Variants in MACROD2 observed in about 807,000 individuals in gnomAD.
MACROD2 encodes ADP-ribose glycohydrolase MACROD2.
A neutral mutation model predicts 70.4 loss-of-function variants in MACROD2; 36 were observed. The observed-to-expected ratio is 0.51, with a 90% CI of 0.39 to 0.68. The LOEUF is 0.68. Ranked by LOEUF, MACROD2 falls within the 30% of genes least tolerant of loss-of-function variation. The pLI is 0.00. For missense variants in MACROD2, 496 were observed against 538.4 expected (o/e 0.92, Z 0.78); for synonymous variants, 172 against 178.8 (o/e 0.96, Z 0.30).
intron 3 of MACROD2, among the ~76,000 whole-genome samples, chr20:14,249,331 G>A (rs2081992327): frequency 6.6e-6 from 1 of 151,824 alleles, no homozygotes; most frequent in Admixed American, 6.6e-5. Context: ...AGAGTGATAT[G>A]GAAAAGTGAT....
At chr20:15,392,538 A>G (rs1426033056) in intron 6 of MACROD2, among the ~76,000 whole-genome samples, 1 of 152,072 alleles carries the variant, frequency 6.6e-6, no homozygotes, top group East Asian at 1.9e-4. Context: ...ACCTAATAGC[A>G]TCTCTCTTAG....
chr20:15,649,663 A>C (rs138520401), intron 8 of MACROD2, among the ~76,000 whole-genome samples: 7 of 152,300 alleles, frequency 4.6e-5, no homozygotes, highest in Middle Eastern at 3.4e-3. Context: ...TTCTTAACCA[A>C]TCTCTGTGTC....
chr20:14,955,140 AATTAT>A (rs1274723338), intron 5 of MACROD2, among the ~76,000 whole-genome samples: 4 of 70,512 alleles, frequency 5.7e-5, no homozygotes, highest in South Asian at 6.6e-4. Context: ...ATAATTTATA[AATTAT>A]ATTATATGTA....
intron 3 of MACROD2, among the ~76,000 whole-genome samples, chr20:14,386,468 T>A (rs2083468823): frequency 6.6e-6 from 1 of 151,998 alleles, no homozygotes; most frequent in Non-Finnish European, 1.5e-5. Flanking sequence ...TGATGGGAGG[T>A]GTTTGGAATA....
At position 14,448,056 on chromosome 20, in the gene MACROD2, C is replaced by T. The variant is rs1305186409; in HGVS notation, c.272-45423C>T. Reference sequence around the variant, plus strand: ...AGAGAGAGAGAGATGTAAACATCTGCGAGGCCAAGAGAGTGTGAAGCCATT... The same window carrying T: ...AGAGAGAGAGAGATGTAAACATCTGTGAGGCCAAGAGAGTGTGAAGCCATT... On this transcript the variant is annotated intron_variant, in intron 3 of 17. Transcript: ENST00000684519. Among the ~76,000 whole-genome samples, 6 of 150,128 alleles carry T rather than the reference C, an allele frequency of 4.0e-5. No homozygotes were observed. The South Asian group carries it at 6.4e-4, about 16-fold the overall frequency.
intron 5 of MACROD2, among the ~76,000 whole-genome samples, chr20:15,066,500 C>T (rs1276902826): frequency 2.6e-5 from 4 of 152,152 alleles, no homozygotes; most frequent in Non-Finnish European, 2.9e-5. Flanking sequence ...TACATTCGTT[C>T]GCCAAATCAA....
chr20:14,947,867 C>T (rs1380191038), intron 5 of MACROD2, among the ~76,000 whole-genome samples: 1 of 152,162 alleles, frequency 6.6e-6, no homozygotes, highest in African/African-American at 2.4e-5. Flanking sequence ...GCTTCTACAG[C>T]CACGATCCTG....
intron 4 of MACROD2, among the ~76,000 whole-genome samples, chr20:14,614,351 G>A (rs914179189): frequency 6.6e-6 from 1 of 152,104 alleles, no homozygotes; most frequent in African/African-American, 2.4e-5. Context: ...CTCCACGTTG[G>A]TGACACATTA....
intron 4 of MACROD2, among the ~76,000 whole-genome samples, chr20:14,508,331 C>T (rs1426495759): frequency 6.6e-6 from 1 of 151,964 alleles, no homozygotes; most frequent in African/African-American, 2.4e-5. Flanking sequence ...CCTTTCTGCT[C>T]CTTTTCTTTT....
chr20:14,136,157 A>G (rs2054793890), intron 3 of MACROD2, among the ~76,000 whole-genome samples: 1 of 152,240 alleles, frequency 6.6e-6, no homozygotes, highest in Non-Finnish European at 1.5e-5. Context: ...AGATTAATAA[A>G]GAAAAATCAA....
chr20:14,551,181 T>G (rs1194558552), intron 4 of MACROD2, among the ~76,000 whole-genome samples: 1 of 152,152 alleles, frequency 6.6e-6, no homozygotes, highest in East Asian at 1.9e-4. Context: ...TTGGGAAACA[T>G]GAAAATTAAG....
intron 3 of MACROD2, among the ~76,000 whole-genome samples, chr20:14,382,046 C>T (rs1031083982): frequency 3.4e-5 from 5 of 147,568 alleles, no homozygotes; most frequent in Non-Finnish European, 7.4e-5. Context: ...ACCACATATA[C>T]TATAATGGGA....
chr20:15,839,093 A>G (rs2064144457), intron 8 of MACROD2, among the ~76,000 whole-genome samples: 1 of 152,112 alleles, frequency 6.6e-6, no homozygotes. Flanking sequence ...TAGAATTCCT[A>G]TTTCAGCTTA....
chr20:14,343,604 C>A (rs934491384), intron 3 of MACROD2, among the ~76,000 whole-genome samples: 8 of 152,188 alleles, frequency 5.3e-5, no homozygotes, highest in African/African-American at 1.9e-4. Flanking sequence ...AACAATTTAT[C>A]TTTGGGAATG....
chr20:14,286,333 T>C (rs559277193), intron 3 of MACROD2, among the ~76,000 whole-genome samples: 1 of 152,224 alleles, frequency 6.6e-6, no homozygotes, highest in African/African-American at 2.4e-5. Context: ...TTTTCCTCTT[T>C]ATAAAGTATG....
intron 4 of MACROD2, among the ~76,000 whole-genome samples, chr20:14,521,674 T>C (rs992912661): frequency 1.3e-5 from 2 of 152,238 alleles, no homozygotes; most frequent in South Asian, 4.1e-4. Flanking sequence ...ACAGTAACTT[T>C]AGTCATAGTT....
At chr20:14,082,782 G>A (rs1039767200) in intron 2 of MACROD2, among the ~76,000 whole-genome samples, 5 of 152,016 alleles carry the variant, frequency 3.3e-5, no homozygotes, top group African/African-American at 1.2e-4. Context: ...TAATTTCTAG[G>A]TTCACAATAG....
chr20:15,453,327 C>G (rs146596251), intron 7 of MACROD2, among the ~76,000 whole-genome samples: 2,352 of 152,198 alleles, frequency 0.015, 24 homozygotes, highest in Non-Finnish European at 0.023. Context: ...TAACCTTTCT[C>G]TTTCTCCCTC....
intron 13 of MACROD2, among the ~76,000 whole-genome samples, chr20:15,968,562 G>T (rs2066176924): frequency 6.6e-6 from 1 of 151,678 alleles, no homozygotes; most frequent in Admixed American, 6.6e-5. Context: ...TGAAATAATT[G>T]TTCTATCAAA....
Sources: gnomAD v4.1 joint callset for allele counts (sites outside exome capture counted in the v4.1 genomes callset) on GRCh38, gnomAD v4.1.1 for gene constraint, MANE v1.5 for transcripts, NCBI Gene and HGNC (gene_info 2026-07-23, HGNC 2026-07-21) for gene names.